ACBD6: variants seen among roughly 807,000 people sequenced by gnomAD.
ACBD6 encodes the protein acyl-CoA-binding domain-containing protein 6.
Under a neutral mutation model 37.2 loss-of-function variants are expected in ACBD6, and 28 were observed. The observed-to-expected ratio is 0.75, with a 90% CI of 0.56 to 1.03. The LOEUF (loss-of-function observed/expected upper bound fraction) is 1.03, where lower values mean the gene tolerates loss of function less well. ACBD6 is among the 50% of genes least tolerant of loss of function. The pLI is 0.00. For synonymous variants in ACBD6, 113 were observed against 126.8 expected (o/e 0.89, Z 0.73); for missense variants, 340 against 337.4 (o/e 1.01, Z -0.06).
At chr1:180,281,527 C>T (rs949408198) in intron 8 of ACBD6, 1 of 151,466 alleles carries the variant, frequency 6.6e-6, no homozygotes, top group Admixed American at 6.5e-5. Context: ...TTATGTGAGG[C>T]ACAGTTTAAA....
chr1:180,501,824 T>G (rs563087756), intron 1 of ACBD6, among the ~76,000 whole-genome samples: 1 of 151,498 alleles, frequency 6.6e-6, no homozygotes, highest in African/African-American at 2.4e-5. Flanking sequence ...CAATGTCCAG[T>G]GTCCAGCTAA....
At chr1:180,416,232 C>A (rs1369213103) in intron 4 of ACBD6, among the ~76,000 whole-genome samples, 3 of 152,226 alleles carry the variant, frequency 2.0e-5, no homozygotes, top group Middle Eastern at 3.4e-3. Flanking sequence ...ACATCTACAG[C>A]AATATCATTC....
intron 3 of ACBD6, chr1:180,435,677 C>T: frequency 1.1e-6 from 1 of 919,084 alleles, no homozygotes; most frequent in Non-Finnish European, 1.8e-6. Flanking sequence ...CTCCATTTAC[C>T]AGAAGGTGAA....
At chr1:180,442,079 T>C (rs1649303470) in intron 3 of ACBD6, among the ~76,000 whole-genome samples, 1 of 152,266 alleles carries the variant, frequency 6.6e-6, no homozygotes, top group Non-Finnish European at 1.5e-5. Context: ...TTTCCTTTTG[T>C]TGTCAACCTA....
At chr1:180,398,535 G>A (rs1654348963) in intron 5 of ACBD6, among the ~76,000 whole-genome samples, 2 of 152,194 alleles carry the variant, frequency 1.3e-5, no homozygotes, top group South Asian at 4.1e-4. Flanking sequence ...ACAGTTGACT[G>A]TGAAAGCCAC....
intron 6 of ACBD6, among the ~76,000 whole-genome samples, chr1:180,359,449 G>A (rs933694561): frequency 6.6e-6 from 1 of 151,918 alleles, no homozygotes; most frequent in Non-Finnish European, 1.5e-5. Flanking sequence ...TGAAATCAAT[G>A]TATCTAAAAC....
Position 180,333,736 on chromosome 1 carries a change from G to A in ACBD6, c.664-19014C>T, listed in dbSNP as rs368272794. Among the ~76,000 whole-genome samples, 68 of 152,328 alleles carry A rather than the reference G, an allele frequency of 4.5e-4. 1 individual carries two copies. In the South Asian group the frequency reaches 0.011, roughly 25 times the overall value. On this transcript the variant is annotated intron_variant, in intron 6 of 7. Coordinates refer to ENST00000367595, the MANE Select transcript of ACBD6 (RefSeq NM_032360.4). The stretch of plus-strand genomic sequence containing the variant: ...CAAGGCATCGCCTCACCCGGGAAGC[G>A]CAAGGGGTCAGGGAATTCCCTTTCC...
intron 4 of ACBD6, among the ~76,000 whole-genome samples, chr1:180,416,128 A>G (rs748068451): frequency 6.6e-6 from 1 of 152,202 alleles, no homozygotes; most frequent in Non-Finnish European, 1.5e-5. Flanking sequence ...TGTTAAATAC[A>G]GCTATCCAAT....
chr1:180,476,109 G>A (rs1022402791), intron 3 of ACBD6, among the ~76,000 whole-genome samples: 1 of 152,154 alleles, frequency 6.6e-6, no homozygotes, highest in Non-Finnish European at 1.5e-5. Flanking sequence ...TGGTTCCAAT[G>A]CAACCCAATC....
At chr1:180,285,063 G>A (rs980613637), downstream of ACBD6, among the ~76,000 whole-genome samples, 1 of 152,108 alleles carries the variant, frequency 6.6e-6, no homozygotes, top group African/African-American at 2.4e-5. Flanking sequence ...TTGAGCCAGG[G>A]AAGTCAAGTC....
chr1:180,404,017 C>T lies in ACBD6; in HGVS notation c.574-6412G>A, dbSNP rs564917774. On this transcript the variant is annotated intron_variant, in intron 5 of 7. Coordinates refer to ENST00000367595, the MANE Select transcript of ACBD6 (RefSeq NM_032360.4). ...CCAGGCTGGAGTGCAGTGGTGCGAT[C>T]TCAGCTCACTGCAACCTCCACCTCC... Among the ~76,000 whole-genome samples, 18 of 152,138 alleles carry T rather than the reference C, an allele frequency of 1.2e-4. No individual in the cohort carries two copies. In the South Asian group the frequency reaches 3.7e-3, roughly 32 times the overall value.
At chr1:180,324,479 C>CA (rs532386102) in intron 6 of ACBD6, among the ~76,000 whole-genome samples, 1,645 of 150,060 alleles carry the variant, frequency 0.011, 24 homozygotes, top group African/African-American at 0.036. Flanking sequence ...AACAAATAGG[C>CA]AAAAAAAAAC....
chr1:180,457,909 C>G (rs1015930102), intron 3 of ACBD6, among the ~76,000 whole-genome samples: 4 of 151,708 alleles, frequency 2.6e-5, no homozygotes, highest in Admixed American at 1.3e-4. Context: ...TCTCCTGTCT[C>G]AGCCTCCTGA....
intron 3 of ACBD6, among the ~76,000 whole-genome samples, chr1:180,473,312 T>G (rs1041854589): frequency 6.6e-6 from 1 of 150,786 alleles, no homozygotes; most frequent in African/African-American, 2.4e-5. Context: ...CCGGGCGTAG[T>G]GGCGGGCGCC....
chr1:180,333,240 A>G (rs975434687), intron 6 of ACBD6, among the ~76,000 whole-genome samples: 5 of 152,210 alleles, frequency 3.3e-5, no homozygotes, highest in African/African-American at 1.2e-4. Flanking sequence ...AGATTAAAAA[A>G]AAACACAATG....
chr1:180,434,461 C>G (rs1332701832), intron 3 of ACBD6, among the ~76,000 whole-genome samples: 1 of 152,192 alleles, frequency 6.6e-6, no homozygotes, highest in Non-Finnish European at 1.5e-5. Flanking sequence ...GCTGAGAGAT[C>G]TGAAGAATCT....
chr1:180,501,378 C>T (rs1651964464), intron 1 of ACBD6, among the ~76,000 whole-genome samples: 1 of 152,030 alleles, frequency 6.6e-6, no homozygotes, highest in Admixed American at 6.6e-5. Flanking sequence ...GGAGTTTCTT[C>T]GCTCTTGTTG....
chr1:180,450,299 A>G (rs902659169), intron 3 of ACBD6, among the ~76,000 whole-genome samples: 1 of 152,220 alleles, frequency 6.6e-6, no homozygotes, highest in African/African-American at 2.4e-5. Context: ...AGTCTGTTCA[A>G]TTCCAAAGGC....
At chr1:180,500,781 A>T (rs1365518898) in intron 1 of ACBD6, among the ~76,000 whole-genome samples, 1 of 149,324 alleles carries the variant, frequency 6.7e-6, no homozygotes, top group African/African-American at 2.5e-5. Flanking sequence ...GTCTGAGCTC[A>T]GGAGTTCAAG....
Sources: gnomAD v4.1 joint callset for allele counts (sites outside exome capture counted in the v4.1 genomes callset) on GRCh38, gnomAD v4.1.1 for gene constraint, MANE v1.5 for transcripts, NCBI Gene and HGNC (gene_info 2026-07-23, HGNC 2026-07-21) for gene names.